PFKFB4: variants seen among roughly 807,000 people sequenced by gnomAD.
The protein encoded by PFKFB4 is 6-phosphofructo-2-kinase/fructose-2,6-bisphosphatase 4.
PFKFB4 carries 42 observed loss-of-function variants against 62.8 expected under a neutral mutation model. The ratio of observed to expected loss-of-function variants is 0.67; its 90% CI spans 0.52 to 0.86. The LOEUF is 0.86. Among genes scored for constraint, PFKFB4 ranks in the 40% least tolerant of loss-of-function variants. PFKFB4 has a pLI of 0.00. For synonymous variants in PFKFB4, 204 were observed against 240.7 expected (o/e 0.85, Z 1.41); for missense variants, 475 against 627.2 (o/e 0.76, Z 2.59).
At chr3:48,533,201 C>T (rs2042483210) in intron 9 of PFKFB4, among the ~76,000 whole-genome samples, 3 of 152,082 alleles carry the variant, frequency 2.0e-5, no homozygotes. Context: ...AGGTGTGAGC[C>T]AGCACATCTG....
In PFKFB4 at chr3:48,538,588, T is replaced by G. The variant is rs146141332; in HGVS notation, c.542A>C (p.Asn181Thr). 6.2e-7 allele frequency: 1 copy of G among 1,614,204 alleles called. No individual in the cohort carries two copies. Among genetic ancestry groups the G allele is most frequent in the Admixed American group, 1.7e-5 (1 of 60,028 alleles). The change falls in exon 7 of 14, where the codon AAC (asparagine) becomes ACC (threonine). Residue 181 changes from asparagine (N) to threonine (T), a missense_variant. Transcript: ENST00000232375. ...QVKLGSPDYVNRDSDEATEDF... is the reference protein window; with the variant it reads ...QVKLGSPDYVTRDSDEATEDF... ...CTCCGTAGCCTCATCACTGTCGCGG[T>G]TGACATAGTCAGGGCTGCCCAGTTT...
At chr3:48,548,975 G>GC (rs911516955) in intron 3 of PFKFB4, among the ~76,000 whole-genome samples, 5 of 152,198 alleles carry the variant, frequency 3.3e-5, no homozygotes, top group Non-Finnish European at 5.9e-5. Context: ...CAGCCTGGTA[G>GC]CCACTGGGCT....
intron 9 of PFKFB4, among the ~76,000 whole-genome samples, chr3:48,529,495 C>T (rs184423274): frequency 3.3e-5 from 5 of 152,264 alleles, no homozygotes; most frequent in East Asian, 1.9e-4. Flanking sequence ...GGGGTGGCTG[C>T]AGGCTTCTCT....
chr3:48,560,359 C>T (rs1399206205), upstream of PFKFB4, among the ~76,000 whole-genome samples: 5 of 152,202 alleles, frequency 3.3e-5, no homozygotes, highest in East Asian at 7.7e-4. Context: ...ATTCCAGCTT[C>T]CTCTGGCCAT....
intron 9 of PFKFB4, among the ~76,000 whole-genome samples, chr3:48,533,034 T>G (rs559236652): frequency 3.3e-5 from 5 of 152,302 alleles, no homozygotes; most frequent in African/African-American, 1.2e-4. Context: ...AGAGTTATTG[T>G]TTTTCTTTTT....
At chr3:48,527,284 T>G (rs967305234) in intron 9 of PFKFB4, among the ~76,000 whole-genome samples, 2 of 130,890 alleles carry the variant, frequency 1.5e-5, no homozygotes, top group South Asian at 2.3e-4. Context: ...CATTTAGTGG[T>G]TTTTTTTTTT....
upstream of PFKFB4, among the ~76,000 whole-genome samples, chr3:48,557,951 G>T (rs1203698306): frequency 8.6e-5 from 13 of 151,952 alleles, no homozygotes; most frequent in South Asian, 2.5e-3. Context: ...TAGTATTTTG[G>T]TTTTTTTAAC....
In PFKFB4 at chr3:48,521,930, C is replaced by G; in HGVS notation, c.1350+56G>C. ...GGCCTGGCCCTGGAGGATGTGCAGT[C>G]TGGACACCCCCACATCAGGAACACC... On this transcript the variant is annotated intron_variant, in intron 13 of 13. Coordinates refer to ENST00000232375, the MANE Select transcript of PFKFB4 (RefSeq NM_004567.4). The surrounding 1 kb of genome is among the most constrained non-coding windows in gnomAD (Gnocchi z 5.3). 7.0e-7 allele frequency: 1 copy of G among 1,435,508 alleles called. No individual in the cohort carries two copies. The highest frequency in any genetic ancestry group is 9.8e-7 in the Non-Finnish European group (1 of 1,016,780). 88.9% of individuals were successfully genotyped at this position (1,435,508 alleles called of 1,614,324 possible).
intron 5 of PFKFB4, 59 bp from the exon 6 acceptor site, chr3:48,539,369 G>A: frequency 7.0e-7 from 1 of 1,432,294 alleles, no homozygotes; most frequent in Non-Finnish European, 9.8e-7. Context: ...CATGTTCAGG[G>A]CCTCCCGCCT....
chr3:48,557,055 G>A (rs1311040013), upstream of PFKFB4: 6 of 1,040,848 alleles, frequency 5.8e-6, no homozygotes, highest in South Asian at 7.8e-5. Flanking sequence ...CTCAACTCCG[G>A]ATTGTACTGG....
chr3:48,552,843 C>T (rs1440745542), intron 1 of PFKFB4, among the ~76,000 whole-genome samples: 1 of 152,208 alleles, frequency 6.6e-6, no homozygotes, highest in Non-Finnish European at 1.5e-5. Flanking sequence ...CGCCTTCCAC[C>T]CACATGCGCA....
upstream of PFKFB4, among the ~76,000 whole-genome samples, chr3:48,560,167 A>C (rs1014801201): frequency 1.3e-5 from 2 of 152,116 alleles, no homozygotes; most frequent in Non-Finnish European, 2.9e-5. Flanking sequence ...ATGCACACAG[A>C]GACACTGGCA....
intron 1 of PFKFB4, among the ~76,000 whole-genome samples, chr3:48,553,311 TA>T (rs759500851): frequency 6.6e-6 from 1 of 152,084 alleles, no homozygotes; most frequent in Non-Finnish European, 1.5e-5. Flanking sequence ...CTGTCTCTAC[TA>T]AAAATACAAA....
At chr3:48,547,278 C>T (rs374308663) in intron 3 of PFKFB4, among the ~76,000 whole-genome samples, 9 of 152,190 alleles carry the variant, frequency 5.9e-5, no homozygotes, top group Admixed American at 3.9e-4. Flanking sequence ...TTATGTATAA[C>T]GTGACTGTGT....
intron 4 of PFKFB4, among the ~76,000 whole-genome samples, chr3:48,542,751 G>C (rs1400356320): frequency 6.6e-6 from 1 of 152,112 alleles, no homozygotes; most frequent in Non-Finnish European, 1.5e-5. Flanking sequence ...TAAGACATCA[G>C]AGTGATGTTG....
At chr3:48,559,867 C>A, upstream of PFKFB4, 1 of 333,284 alleles carries the variant, frequency 3.0e-6, no homozygotes, top group Non-Finnish European at 5.9e-6. Context: ...TATCTACTGG[C>A]CAGTCCTGAC....
intron 10 of PFKFB4, among the ~76,000 whole-genome samples, chr3:48,524,222 G>A (rs1484410166): frequency 2.0e-5 from 3 of 152,238 alleles, no homozygotes; most frequent in Non-Finnish European, 4.4e-5. Context: ...AGAGAGCAAA[G>A]ACCTGGAACT....
chr3:48,533,658 C>G (rs936937907), intron 9 of PFKFB4, among the ~76,000 whole-genome samples: 5 of 152,130 alleles, frequency 3.3e-5, no homozygotes, highest in African/African-American at 1.2e-4. Context: ...AATTCAAGAC[C>G]AGCCTGGCCA....
chr3:48,558,046 A>G (rs1398452133), upstream of PFKFB4, among the ~76,000 whole-genome samples: 1 of 152,156 alleles, frequency 6.6e-6, no homozygotes, highest in African/African-American at 2.4e-5. Context: ...TCTATCTTAC[A>G]GTATTACAGT....
Sources: gnomAD v4.1 joint callset for allele counts (sites outside exome capture counted in the v4.1 genomes callset) on GRCh38, gnomAD v4.1.1 for gene constraint, Gnocchi (gnomAD v3.1) non-coding constraint, MANE v1.5 for transcripts, NCBI Gene and HGNC (gene_info 2026-07-23, HGNC 2026-07-21) for gene names.